The following ACCSL variants were observed in gnomAD, a reference collection of about 807,000 sequenced individuals.
ACCSL encodes 1-aminocyclopropane-1-carboxylate synthase homolog (inactive) like.
A neutral mutation model predicts 61.7 loss-of-function variants in ACCSL; 55 were observed. The ratio of observed to expected loss-of-function variants is 0.89; its 90% confidence interval spans 0.72 to 1.12. ACCSL has a LOEUF of 1.12. Among genes scored for constraint, ACCSL ranks in the 50% most tolerant of loss-of-function variants. ACCSL has a pLI of 0.00. For synonymous variants in ACCSL, 258 were observed against 264.3 expected (o/e 0.98, Z 0.23); for missense variants, 632 against 698.0 (o/e 0.91, Z 1.07).
Position 44,047,990 on chromosome 11 carries a change from C to G in ACCSL, c.-47C>G. On this transcript the variant is annotated 5_prime_UTR_variant, in exon 1 of 14. Transcript: ENST00000378832. ...GCTCCATTGTCAATGGTCTCTTTCT[C>G]CATAGGTGCCAGGCAGCCTTCAGAG... 6.3e-7 allele frequency: 1 copy of G among 1,575,020 alleles called. No individual in the cohort carries two copies. Among genetic ancestry groups the G allele is most frequent in the Admixed American group, 1.7e-5 (1 of 57,890 alleles).
At chr11:44,006,746 C>A in the ACCSL span, among the ~76,000 whole-genome samples, 3 of 152,070 alleles carry the variant, frequency 2.0e-5, no homozygotes, top group Admixed American at 6.5e-5. Context: ...CTCAAGTGAT[C>A]TGCCTGCCTT....
Position 44,058,398 on chromosome 11 carries a change from C to T in ACCSL, c.1409C>T (p.Ala470Val). The change falls in exon 12 of 14, where the codon GCA (alanine) becomes GTA (valine). Residue 470 changes from alanine to valine, a missense_variant. Transcript: ENST00000378832. ...AHKYITAELK[A>V]LEIPFHNRSS... Reference sequence around the variant, plus strand: ...AAGTACATCACTGCTGAGCTGAAGGCATTGGAGATCCCTTTTCACAACCGC... The same window carrying T: ...AAGTACATCACTGCTGAGCTGAAGGTATTGGAGATCCCTTTTCACAACCGC... 2 of 1,614,184 alleles carry T rather than the reference C, an allele frequency of 1.2e-6. No homozygotes were observed. Among genetic ancestry groups the T allele is most frequent in the Non-Finnish European group, 1.7e-6 (2 of 1,180,036 alleles).
chr11:44,009,936 T>G, the ACCSL span, among the ~76,000 whole-genome samples: 3 of 152,162 alleles, frequency 2.0e-5, no homozygotes, highest in Non-Finnish European at 4.4e-5. Flanking sequence ...GGATAAAGTC[T>G]TCTCTCTTAT....
At chr11:44,047,932 T>C, upstream of ACCSL, 1 of 1,398,290 alleles carries the variant, frequency 7.2e-7, no homozygotes, top group South Asian at 1.4e-5. Context: ...CTCCATCCAT[T>C]CCTGGACCTG....
At chr11:43,967,438 C>T in the ACCSL span, among the ~76,000 whole-genome samples, 2 of 152,034 alleles carry the variant, frequency 1.3e-5, no homozygotes, top group Non-Finnish European at 2.9e-5. Context: ...CTCAGCCTCC[C>T]AAAGTGCTGC....
the ACCSL span, among the ~76,000 whole-genome samples, chr11:43,997,314 G>A: frequency 6.6e-6 from 1 of 152,100 alleles, no homozygotes; most frequent in Non-Finnish European, 1.5e-5. Context: ...AACCCCCTGT[G>A]TCAGTTTCTT....
chr11:44,014,618 G>A, the ACCSL span, among the ~76,000 whole-genome samples: 1 of 152,296 alleles, frequency 6.6e-6, no homozygotes, highest in East Asian at 1.9e-4. Flanking sequence ...ACCTGGCACA[G>A]TGTGGGAGGG....
At chr11:44,014,358 C>T in the ACCSL span, among the ~76,000 whole-genome samples, 2 of 152,030 alleles carry the variant, frequency 1.3e-5, no homozygotes, top group African/African-American at 4.8e-5. Context: ...TGGCAGGCGG[C>T]GATGCCTCAT....
chr11:44,042,724 A>G, the ACCSL span, among the ~76,000 whole-genome samples: 2 of 151,820 alleles, frequency 1.3e-5, no homozygotes, highest in Admixed American at 6.6e-5. Flanking sequence ...TTATGCAAAT[A>G]TCCTGTGTAA....
chr11:43,965,827 G>C, the ACCSL span, among the ~76,000 whole-genome samples: 3 of 152,034 alleles, frequency 2.0e-5, no homozygotes, highest in Non-Finnish European at 4.4e-5. Context: ...TTCTGATGAG[G>C]GTATCAAGAC....
chr11:44,013,506 T>A, the ACCSL span, among the ~76,000 whole-genome samples: 1 of 152,198 alleles, frequency 6.6e-6, no homozygotes, highest in African/African-American at 2.4e-5. Context: ...TTGGCCAGGC[T>A]GGTCTCGAAC....
the ACCSL span, among the ~76,000 whole-genome samples, chr11:44,001,367 A>ATC: frequency 6.6e-6 from 1 of 152,022 alleles, no homozygotes; most frequent in Non-Finnish European, 1.5e-5. Flanking sequence ...AGGTTTTTCC[A>ATC]TCAGTCTTTT....
chr11:43,998,411 A>G, the ACCSL span, among the ~76,000 whole-genome samples: 1 of 152,100 alleles, frequency 6.6e-6, no homozygotes, highest in Non-Finnish European at 1.5e-5. Flanking sequence ...CATTTCATGA[A>G]AAAACCAGAG....
intron 13 of ACCSL, 56 bp from the exon 14 acceptor site, chr11:44,059,782 C>G: frequency 1.3e-6 from 2 of 1,505,758 alleles, no homozygotes; most frequent in South Asian, 1.2e-5. Context: ...TGTCTGGGAC[C>G]CACCAGCAAA....
At chr11:44,043,426 G>T (rs1288326842), upstream of ACCSL, among the ~76,000 whole-genome samples, 2 of 152,184 alleles carry the variant, frequency 1.3e-5, no homozygotes, top group African/African-American at 2.4e-5. Context: ...ACTGTCTTCA[G>T]GTTTCCACTG....
At chr11:43,946,317 T>C in the ACCSL span, among the ~76,000 whole-genome samples, 95,345 of 152,012 alleles carry the variant, frequency 0.63, 30,145 homozygotes, top group East Asian at 0.82. Flanking sequence ...AGGCTGGTCT[T>C]GAACTCCTGA....
chr11:44,047,154 T>TA (rs1391563785), upstream of ACCSL, among the ~76,000 whole-genome samples: 1 of 152,194 alleles, frequency 6.6e-6, no homozygotes, highest in Non-Finnish European at 1.5e-5. Context: ...ATCTGTTTCC[T>TA]ACCACGCCCT....
At chr11:44,038,025 T>C in the ACCSL span, among the ~76,000 whole-genome samples, 4 of 152,174 alleles carry the variant, frequency 2.6e-5, no homozygotes, top group Non-Finnish European at 4.4e-5. Context: ...TCTGCCCTCA[T>C]GGAGTTTACC....
the ACCSL span, among the ~76,000 whole-genome samples, chr11:44,009,656 T>C: frequency 2.0e-5 from 3 of 152,058 alleles, no homozygotes; most frequent in Non-Finnish European, 4.4e-5. Flanking sequence ...TCCCAGCTAC[T>C]TGGGAGGCTG....
Sources: allele counts gnomAD v4.1 joint callset (sites outside exome capture counted in the v4.1 genomes callset), GRCh38; gene constraint gnomAD v4.1.1; transcripts MANE v1.5; gene names NCBI Gene and HGNC (gene_info 2026-07-23, HGNC 2026-07-21).